The following CPXM2 variants were observed in gnomAD, a reference collection of about 807,000 sequenced individuals.
CPXM2 encodes the protein carboxypeptidase X, M14 family member 2.
CPXM2 carries 66 observed loss-of-function variants against 86.1 expected under a neutral mutation model. The ratio of observed to expected loss-of-function variants is 0.77; its 90% CI spans 0.63 to 0.94. The LOEUF is 0.94. Among genes scored for constraint, CPXM2 ranks in the 40% least tolerant of loss-of-function variants. The pLI is 0.00. For missense variants in CPXM2, 948 were observed against 1,026.3 expected, an observed-to-expected ratio of 0.92 and a Z score of 1.04; for synonymous variants, 388 against 400.2, an observed-to-expected ratio of 0.97 and a Z score of 0.36.
At chr10:123,763,102 C>T (rs1483782240) in intron 10 of CPXM2, among the ~76,000 whole-genome samples, 2 of 152,102 alleles carry the variant, frequency 1.3e-5, no homozygotes, top group Non-Finnish European at 2.9e-5. Context: ...TGCAGTGGCG[C>T]GATCTTGGCT....
intron 3 of CPXM2, among the ~76,000 whole-genome samples, chr10:123,846,397 C>A (rs570441524): frequency 6.6e-6 from 1 of 152,276 alleles, no homozygotes; most frequent in South Asian, 2.1e-4. Context: ...GTTTGCGCTC[C>A]TTTGAGCATC....
chr10:123,914,305 C>A (rs967687581), intron 2 of CPXM2, among the ~76,000 whole-genome samples: 1 of 152,184 alleles, frequency 6.6e-6, no homozygotes, highest in African/African-American at 2.4e-5. Context: ...CTGACCAGGC[C>A]TTCTCTGCCT....
chr10:123,905,728 T>TG (rs1157213014), intron 2 of CPXM2, among the ~76,000 whole-genome samples: 3 of 152,144 alleles, frequency 2.0e-5, no homozygotes, highest in African/African-American at 7.2e-5. Context: ...CAGACCATCC[T>TG]GGGGGTCCCC....
chr10:123,926,965 GACTT>G (rs1412119869), intron 2 of CPXM2, among the ~76,000 whole-genome samples: 1 of 152,210 alleles, frequency 6.6e-6, no homozygotes, highest in African/African-American at 2.4e-5. Context: ...AGAAGAGACA[GACTT>G]ACCCATTCTT....
At chr10:123,785,596 G>T (rs1386783247) in intron 6 of CPXM2, among the ~76,000 whole-genome samples, 1 of 151,004 alleles carries the variant, frequency 6.6e-6, no homozygotes, top group Non-Finnish European at 1.5e-5. Flanking sequence ...CTCCTTTCCT[G>T]TGACAACTTA....
Position 123,830,820 on chromosome 10 carries a change from G to A in CPXM2, c.653+11529C>T, listed in dbSNP as rs1318877331. On this transcript the variant is annotated intron_variant, in intron 4 of 13. Coordinates refer to ENST00000241305, the MANE Select transcript of CPXM2 (RefSeq NM_198148.3). The stretch of plus-strand genomic sequence containing the variant: ...TCTTATGTCTACAATAAGCATGGGT[G>A]CACACAACACTTGAAACATGAGTAT... 2.6e-5 allele frequency among the ~76,000 whole-genome samples: 4 copies of A among 151,756 alleles called. No individual in the cohort carries two copies. In the East Asian group the frequency reaches 5.8e-4, roughly 22 times the overall value.
rs527268417 is a variant in CPXM2, at chr10:123,853,589, T to C, written c.513+9025A>G. On this transcript the variant is annotated intron_variant, in intron 3 of 13. Transcript: ENST00000241305. The stretch of plus-strand genomic sequence containing the variant: ...GGTGTGTTGTGTTTTTGTGTTGTTG[T>C]TATAATAAAATGAATAAATAAAAGA... Among the ~76,000 whole-genome samples, 5 of 152,336 alleles carry C rather than the reference T, an allele frequency of 3.3e-5. No individual in the cohort carries two copies. In the South Asian group the frequency reaches 1.0e-3, roughly 32 times the overall value.
At chr10:123,761,146 TCTCTCCTGGGAGC>T (rs1286233996) in intron 11 of CPXM2, among the ~76,000 whole-genome samples, 1 of 152,172 alleles carries the variant, frequency 6.6e-6, no homozygotes, top group East Asian at 1.9e-4. Context: ...ATTTCTGAAG[TCTCTCCTGGGAGC>T]CTCTACAGTC....
chr10:123,930,119 G>A (rs1055277921), intron 2 of CPXM2, among the ~76,000 whole-genome samples: 1 of 152,210 alleles, frequency 6.6e-6, no homozygotes, highest in Non-Finnish European at 1.5e-5. Context: ...GATACACGAA[G>A]CACACTGAAA....
At position 123,746,532 on chromosome 10, in the gene CPXM2, A is replaced by G. The variant is rs1361778238; in HGVS notation, c.*232T>C. ...TGGCTTGCTGAGTTCTCTCACTCCC[A>G]TCAGCTTTTCTCTGCTGCTCTGTCC... On this transcript the variant is annotated 3_prime_UTR_variant, in exon 14 of 14. Coordinates refer to ENST00000241305, the MANE Select transcript of CPXM2 (RefSeq NM_198148.3). The G allele has an allele frequency of 3.5e-6, 2 of 563,948 alleles. No homozygotes were observed. Among genetic ancestry groups the G allele is most frequent in the Admixed American group, 3.2e-5 (1 of 31,072 alleles). 34.9% of individuals were successfully genotyped at this position (563,948 alleles called of 1,614,324 possible).
intron 1 of CPXM2, among the ~76,000 whole-genome samples, chr10:123,882,985 C>T (rs904069011): frequency 1.3e-5 from 2 of 151,832 alleles, no homozygotes; most frequent in Admixed American, 1.3e-4. Context: ...TGGGCAGCCC[C>T]CACACGACAG....
At chr10:123,915,167 C>T (rs950468079) in intron 2 of CPXM2, among the ~76,000 whole-genome samples, 3 of 152,200 alleles carry the variant, frequency 2.0e-5, no homozygotes, top group Non-Finnish European at 4.4e-5. Context: ...AAGGTCCTCG[C>T]CCTGCCCTTC....
chr10:123,851,788 G>T (rs796760013), intron 3 of CPXM2, among the ~76,000 whole-genome samples: 3 of 151,734 alleles, frequency 2.0e-5, no homozygotes, highest in Middle Eastern at 3.4e-3. Context: ...AAAAAAAAGG[G>T]GGCTGGGACA....
chr10:123,846,844 T>TA lies in CPXM2; in HGVS notation c.514-4357dup, dbSNP rs199618708. On this transcript the variant is annotated intron_variant, in intron 3 of 13. Transcript: ENST00000241305. ...AAACCACTGAACAGATGTGGCTGCA[T>TA]AAAAAATGATATTGAAGGTTTTTTT... 4.7e-3 allele frequency among the ~76,000 whole-genome samples: 720 copies of TA among 152,252 alleles called. 8 individuals carry two copies. Among genetic ancestry groups the TA allele is most frequent in the African/African-American group, 0.014 (584 of 41,558 alleles).
intron 2 of CPXM2, among the ~76,000 whole-genome samples, chr10:123,870,939 TC>T (rs2134212751): frequency 6.6e-6 from 1 of 152,006 alleles, no homozygotes; most frequent in East Asian, 1.9e-4. Flanking sequence ...CTGGCTGGGG[TC>T]TTTTACCTGT....
chr10:123,939,753 C>A (rs2134294804), intron 1 of CPXM2, among the ~76,000 whole-genome samples: 1 of 152,224 alleles, frequency 6.6e-6, no homozygotes, highest in South Asian at 2.1e-4. Context: ...TAAGTGGGAG[C>A]ACAGAGGCCC....
At chr10:123,747,071 C>T in intron 13 of CPXM2, 54 bp from the exon 14 acceptor site, 1 of 1,580,850 alleles carries the variant, frequency 6.3e-7, no homozygotes, top group Non-Finnish European at 8.6e-7. Flanking sequence ...AATGCAGATC[C>T]CGCCAGCCCT....
At position 123,891,696 on chromosome 10, in the gene CPXM2, C is replaced by A; in HGVS notation, c.-37G>T. ...CCCGCGCCCAGGGCAGGGTCACGGT[C>A]ACCGGGGGCGCCGGGCGGGCTGCGG... On this transcript the variant is annotated 5_prime_UTR_variant, in exon 1 of 14. Transcript: ENST00000241305. The surrounding 1 kb of genome is among the most constrained non-coding windows in gnomAD (Gnocchi z 5.6). 1.5e-6 allele frequency: 2 copies of A among 1,311,930 alleles called. No homozygotes were observed. Among genetic ancestry groups the A allele is most frequent in the South Asian group, 2.2e-5 (1 of 45,044 alleles). The allele number at this position is 1,311,930 out of a possible 1,614,324, so 81.3% of individuals were successfully genotyped here.
At position 123,865,955 on chromosome 10, in the gene CPXM2, G is replaced by A. The variant is rs1848968738; in HGVS notation, c.404-3232C>T. On this transcript the variant is annotated intron_variant, in intron 2 of 13. Coordinates refer to ENST00000241305, the MANE Select transcript of CPXM2 (RefSeq NM_198148.3). This position sits in a 1 kb window ranked among gnomAD's most constrained non-coding sequence, Gnocchi z 4.7. Reference sequence around the variant, plus strand: ...TCCTCAGCCTCTTCTCCGTTTTTCTGTACTGGGCCCCACAATTTCTCCCTC... The same window carrying A: ...TCCTCAGCCTCTTCTCCGTTTTTCTATACTGGGCCCCACAATTTCTCCCTC... Among the ~76,000 whole-genome samples the A allele has an allele frequency of 6.6e-6, 1 of 151,776 alleles. No homozygotes were observed. Among genetic ancestry groups the A allele is most frequent in the Non-Finnish European group, 1.5e-5 (1 of 67,938 alleles).
Sources: allele counts gnomAD v4.1 joint callset (sites outside exome capture counted in the v4.1 genomes callset), GRCh38; gene constraint gnomAD v4.1.1; non-coding constraint Gnocchi (gnomAD v3.1); transcripts MANE v1.5; gene names NCBI Gene and HGNC (gene_info 2026-07-23, HGNC 2026-07-21).